The following DYNC1I2 variants were observed in gnomAD, a reference collection of about 807,000 sequenced individuals.
DYNC1I2 encodes dynein cytoplasmic 1 intermediate chain 2.
Under a neutral mutation model 88.6 loss-of-function variants are expected in DYNC1I2, and 53 were observed. The ratio of observed to expected loss-of-function variants is 0.60; its 90% CI spans 0.48 to 0.75. The LOEUF (loss-of-function observed/expected upper bound fraction) is 0.75, where lower values mean the gene tolerates loss of function less well. DYNC1I2 is among the 30% of genes least tolerant of loss of function. The pLI is 0.00. For synonymous variants in DYNC1I2, 198 were observed against 254.6 expected, an observed-to-expected ratio of 0.78 and a Z score of 2.12; for missense variants, 458 against 766.6, an observed-to-expected ratio of 0.60 and a Z score of 4.75.
intron 6 of DYNC1I2, among the ~76,000 whole-genome samples, chr2:171,713,320 GGATT>G (rs1204950081): frequency 2.0e-5 from 3 of 151,738 alleles, no homozygotes; most frequent in African/African-American, 7.3e-5. Context: ...GTGAATGAAT[GGATT>G]AATAGATTAT....
intron 17 of DYNC1I2, among the ~76,000 whole-genome samples, chr2:171,746,637 T>C (rs544768632): frequency 6.6e-6 from 1 of 152,334 alleles, no homozygotes; most frequent in South Asian, 2.1e-4. Context: ...TCTGCACAAA[T>C]GGAAATGTTC....
At chr2:171,713,741 G>C (rs771103555) in intron 6 of DYNC1I2, among the ~76,000 whole-genome samples, 14 of 152,042 alleles carry the variant, frequency 9.2e-5, no homozygotes, top group Non-Finnish European at 2.1e-4. Flanking sequence ...ATACCTTTTG[G>C]AATTGTGTCT....
At chr2:171,712,082 C>A (rs1687162315) in intron 5 of DYNC1I2, among the ~76,000 whole-genome samples, 1 of 152,170 alleles carries the variant, frequency 6.6e-6, no homozygotes, top group African/African-American at 2.4e-5. Context: ...GACATTTGAA[C>A]ATAAAATATT....
At chr2:171,727,789 A>C (rs763890345) in intron 11 of DYNC1I2, 32 bp from the exon 12 acceptor site, 2 of 1,596,082 alleles carry the variant, frequency 1.3e-6, no homozygotes, top group South Asian at 2.3e-5. Context: ...TTCCATTTGA[A>C]TCTCAAGTAT....
chr2:171,705,997 T>C (rs1295995007), intron 3 of DYNC1I2, among the ~76,000 whole-genome samples: 2 of 152,082 alleles, frequency 1.3e-5, no homozygotes, highest in South Asian at 2.1e-4. Flanking sequence ...TTTATACTTA[T>C]GTTTAAGATG....
At chr2:171,720,498 C>A (rs1033563090) in intron 7 of DYNC1I2, among the ~76,000 whole-genome samples, 10 of 152,056 alleles carry the variant, frequency 6.6e-5, no homozygotes, top group Non-Finnish European at 1.3e-4. Flanking sequence ...TTTGGGAGGC[C>A]GAGGTGGGGC....
At chr2:171,710,869 CT>C (rs369943455) in intron 5 of DYNC1I2, among the ~76,000 whole-genome samples, 19,672 of 142,690 alleles carry the variant, frequency 0.14, 1,628 homozygotes, top group South Asian at 0.2. Context: ...TACCCAGCTA[CT>C]TTTTTTTTTT....
intron 3 of DYNC1I2, among the ~76,000 whole-genome samples, chr2:171,703,257 A>G (rs1686410479): frequency 6.6e-6 from 1 of 152,124 alleles, no homozygotes; most frequent in Non-Finnish European, 1.5e-5. Flanking sequence ...ATTTTTTGAG[A>G]CAGGGCCTCA....
intron 7 of DYNC1I2, among the ~76,000 whole-genome samples, chr2:171,722,032 T>G (rs923353292): frequency 5.3e-5 from 8 of 152,182 alleles, no homozygotes; most frequent in Non-Finnish European, 1.0e-4. Flanking sequence ...AAATGTATCT[T>G]AAATGTAAAA....
chr2:171,726,378 G>A, intron 10 of DYNC1I2, 85 bp downstream of exon 10: 1 of 932,994 alleles, frequency 1.1e-6, no homozygotes, highest in South Asian at 1.7e-5. Flanking sequence ...TGGGAATTTT[G>A]TATAATAAAT....
In DYNC1I2 at chr2:171,744,225, T is replaced by C. The variant is rs192447257; in HGVS notation, c.1677+36T>C. 155 of 1,556,810 alleles carry C rather than the reference T, an allele frequency of 1.0e-4. No homozygotes were observed. In the African/African-American group the frequency reaches 2.0e-3, roughly 20 times the overall value. ...AAATAACAAAAATTGCATTGAAAAA[T>C]AGAAAATTGGATATTTATTGAATAA... On this transcript the variant is annotated intron_variant, in intron 16 of 17. Transcript: ENST00000397119.
intron 7 of DYNC1I2, 147 bp from the exon 8 acceptor site, chr2:171,725,471 G>T (rs184558873): frequency 1.8e-6 from 1 of 550,890 alleles, no homozygotes; most frequent in Non-Finnish European, 3.2e-6. Context: ...TGTTCTGTCC[G>T]GTCAGTGGTT....
At chr2:171,692,558 A>G (rs1442873452) in intron 2 of DYNC1I2, among the ~76,000 whole-genome samples, 1 of 152,144 alleles carries the variant, frequency 6.6e-6, no homozygotes, top group Non-Finnish European at 1.5e-5. Context: ...TTGATTACAT[A>G]TGAAGATAGA....
Position 171,707,367 on chromosome 2 carries a change from G to A in DYNC1I2, c.325G>A (p.Val109Met), listed in dbSNP as rs778574443. 2.5e-6 allele frequency: 4 copies of A among 1,612,712 alleles called. No homozygotes were observed. Among genetic ancestry groups the A allele is most frequent in the African/African-American group, 1.3e-5 (1 of 74,956 alleles). Residue 109 changes from valine (V) to methionine (M), a missense_variant, in exon 5 of 18, where the codon GTG becomes ATG. Transcript: ENST00000397119. ...AGSQDSGDGA[V>M]GSRTLHWDTD... The stretch of plus-strand genomic sequence containing the variant: ...AAGCCAAGACTCTGGAGATGGCGCC[G>A]TGGGATCTAGGTACAGTAATTTTCC...
intron 15 of DYNC1I2, among the ~76,000 whole-genome samples, chr2:171,738,157 C>G (rs1003215691): frequency 6.6e-6 from 1 of 151,882 alleles, no homozygotes; most frequent in Non-Finnish European, 1.5e-5. Context: ...CGTGGTGAAA[C>G]CCCATCTCTA....
At chr2:171,712,672 T>C (rs925915089) in intron 5 of DYNC1I2, 95 bp from the exon 6 acceptor site, 5 of 870,332 alleles carry the variant, frequency 5.7e-6, no homozygotes, top group Non-Finnish European at 9.2e-6. Context: ...TAATTGTGAA[T>C]AGTACTTTAG....
rs1690001462 is a variant in DYNC1I2 at position 171,750,036 on chromosome 2, T to C, written c.*2147T>C. Among the ~76,000 whole-genome samples, 1 of 152,210 alleles carries C rather than the reference T, an allele frequency of 6.6e-6. No homozygotes were observed. Among genetic ancestry groups the C allele is most frequent in the Admixed American group, 6.5e-5 (1 of 15,278 alleles). ...AAACAAGCTATAGCTTTCTGGTTAA[T>C]TTCTTATTTTTCGTTGTTTGGTTTT... On this transcript the variant is annotated 3_prime_UTR_variant, in exon 18 of 18. Coordinates refer to ENST00000397119, the MANE Select transcript of DYNC1I2 (RefSeq NM_001378.3).
chr2:171,705,663 G>A (rs1301274153), intron 3 of DYNC1I2, among the ~76,000 whole-genome samples: 3 of 152,000 alleles, frequency 2.0e-5, no homozygotes, highest in Admixed American at 6.6e-5. Flanking sequence ...AAAAAATGAA[G>A]AAATGTAACC....
chr2:171,696,281 C>G (rs1017548732), intron 3 of DYNC1I2, among the ~76,000 whole-genome samples: 4 of 152,106 alleles, frequency 2.6e-5, no homozygotes, highest in Non-Finnish European at 4.4e-5. Context: ...ATTCAAAATG[C>G]CCCAAAATCT....
Sources: allele counts gnomAD v4.1 joint callset (sites outside exome capture counted in the v4.1 genomes callset), GRCh38; gene constraint gnomAD v4.1.1; transcripts MANE v1.5; gene names NCBI Gene and HGNC (gene_info 2026-07-23, HGNC 2026-07-21).